The following CTNNA2 variants were observed in gnomAD, a reference collection of about 807,000 sequenced individuals.
CTNNA2 encodes the protein catenin alpha 2.
CTNNA2 carries 42 observed loss-of-function variants against 101.0 expected under a neutral mutation model. The ratio of observed to expected loss-of-function variants is 0.42; its 90% CI spans 0.32 to 0.54. The LOEUF is 0.54. Ranked by LOEUF, CTNNA2 falls within the 20% of genes least tolerant of loss-of-function variation. The pLI is 0.14. For missense variants in CTNNA2, 871 were observed against 1,223.1 expected (o/e 0.71, Z 4.29); for synonymous variants, 450 against 456.4 (o/e 0.99, Z 0.18).
intron 4 of CTNNA2, among the ~76,000 whole-genome samples, chr2:79,438,890 G>A (rs1678747494): frequency 6.6e-6 from 1 of 152,184 alleles, no homozygotes; most frequent in South Asian, 2.1e-4. Context: ...ATGCACTGGG[G>A]ATGACTAAAA....
intron 3 of CTNNA2, among the ~76,000 whole-genome samples, chr2:79,364,811 T>C (rs1346236294): frequency 6.6e-6 from 1 of 152,146 alleles, no homozygotes; most frequent in Non-Finnish European, 1.5e-5. Context: ...GGGTAAGGGG[T>C]AATTGTTTAG....
At chr2:79,761,334 G>A (rs1254943051) in intron 3 of CTNNA2, among the ~76,000 whole-genome samples, 1 of 152,064 alleles carries the variant, frequency 6.6e-6, no homozygotes, top group Admixed American at 6.5e-5. Context: ...CAACCCAAGG[G>A]TAGTTTAAGT....
At chr2:80,602,239 G>A (rs915310391) in intron 15 of CTNNA2, among the ~76,000 whole-genome samples, 1 of 151,830 alleles carries the variant, frequency 6.6e-6, no homozygotes, top group Admixed American at 6.6e-5. Context: ...TGTAGTCTCC[G>A]GTGTAATCAA....
intron 7 of CTNNA2, among the ~76,000 whole-genome samples, chr2:80,318,150 A>G (rs1023704993): frequency 4.6e-5 from 7 of 152,152 alleles, no homozygotes; most frequent in East Asian, 1.9e-4. Flanking sequence ...GTGCTAAGCT[A>G]TATAAAATAT....
chr2:79,871,327 T>C (rs565190491), intron 5 of CTNNA2, among the ~76,000 whole-genome samples: 1 of 152,330 alleles, frequency 6.6e-6, no homozygotes, highest in African/African-American at 2.4e-5. Flanking sequence ...TTTTTAAGTA[T>C]GTTTTTATCA....
Position 79,497,399 on chromosome 2 carries a change from T to C in CTNNA2, c.-134-7655T>C, listed in dbSNP as rs150381634. ...ATTACTGTATTAGTTGTCAATGACA[T>C]TGACCCATCTCGTTCTTAGTATTTG... On this transcript the variant is annotated intron_variant, in intron 4 of 21. Coordinates refer to the CTNNA2 transcript ENST00000466387. Among the ~76,000 whole-genome samples the C allele has an allele frequency of 3.3e-5, 5 of 152,368 alleles. 1 individual carries two copies. The East Asian group carries it at 9.6e-4, about 29-fold the overall frequency.
At chr2:79,201,923 C>T (rs1036263749) in intron 2 of CTNNA2, among the ~76,000 whole-genome samples, 2 of 152,082 alleles carry the variant, frequency 1.3e-5, no homozygotes, top group Non-Finnish European at 2.9e-5. Flanking sequence ...TGCTTTTATA[C>T]GTTTTAGGGA....
At chr2:79,412,829 A>G (rs1184216065) in intron 4 of CTNNA2, among the ~76,000 whole-genome samples, 1 of 152,100 alleles carries the variant, frequency 6.6e-6, no homozygotes, top group Non-Finnish European at 1.5e-5. Context: ...CACGGATATG[A>G]GCCACCTGTT....
intron 9 of CTNNA2, among the ~76,000 whole-genome samples, chr2:80,472,347 A>C (rs1035573302): frequency 2.0e-5 from 3 of 152,148 alleles, no homozygotes; most frequent in African/African-American, 7.2e-5. Flanking sequence ...CTTACAGTCA[A>C]CCTACTCCCA....
intron 1 of CTNNA2, among the ~76,000 whole-genome samples, chr2:79,650,918 A>G (rs1292249367): frequency 6.6e-6 from 1 of 151,648 alleles, no homozygotes; most frequent in East Asian, 2.0e-4. Context: ...TAGTTTACTG[A>G]GAATGATGAT....
chr2:79,891,111 G>A (rs1003137995), intron 6 of CTNNA2, among the ~76,000 whole-genome samples: 11 of 151,684 alleles, frequency 7.3e-5, no homozygotes, highest in East Asian at 1.9e-4. Flanking sequence ...AATAAAAAGC[G>A]CAGATCTTTA....
chr2:80,638,326 G>T (rs895267924), intron 18 of CTNNA2, among the ~76,000 whole-genome samples: 1 of 41,092 alleles, frequency 2.4e-5, no homozygotes, highest in African/African-American at 1.1e-4. Context: ...CCCAATTATG[G>T]GGGGGGTGCC....
chr2:79,505,421 C>T (rs1016790572), intron 5 of CTNNA2, among the ~76,000 whole-genome samples: 2 of 152,280 alleles, frequency 1.3e-5, no homozygotes, highest in African/African-American at 4.8e-5. Flanking sequence ...TTGCTCTACA[C>T]TAAAATGCAA....
In CTNNA2 at chr2:79,641,862, A is replaced by G. The variant is rs149411737; in HGVS notation, c.-5-9690A>G. ...CATACTCCAGGAGTGGTGAATTTCTATAAAATTGGCACGGAGTATTAAATT... is the reference window on the plus strand; with the variant it reads ...CATACTCCAGGAGTGGTGAATTTCTGTAAAATTGGCACGGAGTATTAAATT... On this transcript the variant is annotated intron_variant, in intron 1 of 18. Transcript: ENST00000402739. Among the ~76,000 whole-genome samples the G allele has an allele frequency of 4.2e-4, 64 of 152,356 alleles. 1 individual carries two copies. The East Asian group carries it at 0.01, about 24-fold the overall frequency.
rs1674013973 is a variant in CTNNA2 at position 79,550,270 on chromosome 2, G to A, written c.-6+37063G>A. ...GATTCTTCAGAGTTATTCTTTTTGA[G>A]GTAAAAGGGCTAGAACTTCGGACCT... On this transcript the variant is annotated intron_variant, in intron 1 of 18. Transcript: ENST00000402739. 2.0e-5 allele frequency among the ~76,000 whole-genome samples: 3 copies of A among 152,144 alleles called. No homozygotes were observed. In the South Asian group the frequency reaches 6.2e-4, roughly 32 times the overall value.
At chr2:80,466,789 A>G (rs1234185679) in intron 9 of CTNNA2, among the ~76,000 whole-genome samples, 1 of 152,226 alleles carries the variant, frequency 6.6e-6, no homozygotes, top group African/African-American at 2.4e-5. Flanking sequence ...AAAGAGTTCA[A>G]TGAAAATAAG....
intron 9 of CTNNA2, among the ~76,000 whole-genome samples, chr2:80,493,767 C>T (rs1443529614): frequency 6.6e-6 from 1 of 152,154 alleles, no homozygotes; most frequent in Non-Finnish European, 1.5e-5. Flanking sequence ...CAGAACATGG[C>T]ATGCTGTAAT....
intron 2 of CTNNA2, among the ~76,000 whole-genome samples, chr2:79,217,874 G>A (rs1290348607): frequency 6.6e-6 from 1 of 152,116 alleles, no homozygotes; most frequent in Non-Finnish European, 1.5e-5. Context: ...AACTTCTTGA[G>A]GGCAAACATT....
At chr2:79,900,930 G>A (rs987261665) in intron 6 of CTNNA2, among the ~76,000 whole-genome samples, 1 of 152,060 alleles carries the variant, frequency 6.6e-6, no homozygotes, top group Non-Finnish European at 1.5e-5. Flanking sequence ...ATAGATACAC[G>A]TACTATGTAG....
Sources: allele counts gnomAD v4.1 joint callset (sites outside exome capture counted in the v4.1 genomes callset), GRCh38; gene constraint gnomAD v4.1.1; transcripts MANE v1.5; gene names NCBI Gene and HGNC (gene_info 2026-07-23, HGNC 2026-07-21).